The following DNAJA4 variants were observed in gnomAD, a reference collection of about 807,000 sequenced individuals.
DNAJA4 encodes the protein DnaJ heat shock protein family (Hsp40) member A4.
Under a neutral mutation model 39.7 loss-of-function variants are expected in DNAJA4, and 32 were observed. That is an observed-to-expected ratio of 0.81 (90% confidence interval 0.61 to 1.08). DNAJA4 has a LOEUF of 1.08. Among genes scored for constraint, DNAJA4 ranks in the 50% least tolerant of loss-of-function variants. DNAJA4 has a pLI of 0.00. For synonymous variants in DNAJA4, 184 were observed against 182.4 expected (o/e 1.01, Z -0.07); for missense variants, 439 against 505.1 (o/e 0.87, Z 1.25).
intron 1 of DNAJA4, among the ~76,000 whole-genome samples, chr15:78,267,845 T>C (rs2049185534): frequency 6.6e-6 from 1 of 152,248 alleles, no homozygotes; most frequent in African/African-American, 2.4e-5. Context: ...TCCCAAGTTG[T>C]TACGTAGTCT....
intron 5 of DNAJA4, chr15:78,277,931 T>C (rs2049518240): frequency 2.5e-6 from 1 of 395,676 alleles, no homozygotes. Flanking sequence ...TGTTTTGTTT[T>C]TGTTTTTACT....
At position 78,280,744 on chromosome 15, in the gene DNAJA4, A is replaced by T. The variant is rs2049632820; in HGVS notation, c.*284A>T. 2 of 344,376 alleles carry T rather than the reference A, an allele frequency of 5.8e-6. No individual in the cohort carries two copies. The highest frequency in any genetic ancestry group is 9.3e-5 in the South Asian group (2 of 21,438). The allele number at this position is 344,376 out of a possible 1,614,324, so 21.3% of individuals were successfully genotyped here. ...CTTTTGAGATGTCAGTGATTGCACC[A>T]ATACTTTGTGCTTCTAGTGGCTTTG... On this transcript the variant is annotated 3_prime_UTR_variant, in exon 7 of 7. Transcript: ENST00000394852.
chr15:78,264,567 G>GGTGGAGCCAGGC lies in DNAJA4; in HGVS notation c.-191_-180dup. 2 of 1,209,930 alleles carry GGTGGAGCCAGGC rather than the reference G, an allele frequency of 1.7e-6. No homozygotes were observed. Among genetic ancestry groups the GGTGGAGCCAGGC allele is most frequent in the Non-Finnish European group, 2.1e-6 (2 of 974,134 alleles). 74.9% of individuals were successfully genotyped at this position (1,209,930 alleles called of 1,614,324 possible). A position where few individuals can be genotyped will look rare whatever the true frequency, so the allele number is the denominator to read the frequency against. ...GCGGAGGAGCCGGTGGCTCTAGTGC[G>GGTGGAGCCAGGC]GTGGAGCCAGGCGTGGAAGTCGGTC... is the stretch of plus-strand genomic sequence containing the variant. On this transcript the variant is annotated 5_prime_UTR_variant, in exon 1 of 7. Coordinates refer to ENST00000394852, the MANE Select transcript of DNAJA4 (RefSeq NM_001130182.2).
chr15:78,269,959 T>A (rs956056292), intron 1 of DNAJA4: 3 of 152,128 alleles, frequency 2.0e-5, no homozygotes, highest in Admixed American at 6.5e-5. Flanking sequence ...TGCCAATAAC[T>A]GTGATATGGG....
upstream of DNAJA4, chr15:78,264,546 A>AGGAGCCGGTGGCTCTAGTGCGGT: frequency 5.7e-6 from 7 of 1,220,216 alleles, no homozygotes; most frequent in African/African-American, 1.6e-5. Context: ...CCCGCCGCGG[A>AGGAGCCGGTGGCTCTAGTGCGGT]GGAGCCGGTG....
intron 1 of DNAJA4, among the ~76,000 whole-genome samples, chr15:78,267,595 T>C (rs12442418): frequency 0.37 from 56,157 of 151,916 alleles, 10,658 homozygotes; most frequent in Middle Eastern, 0.43. Context: ...ATGAGTTTGG[T>C]CTTTTGGTCA....
At chr15:78,264,955 G>C in intron 1 of DNAJA4, 60 bp downstream of exon 1, 5 of 1,474,742 alleles carry the variant, frequency 3.4e-6, no homozygotes, top group Non-Finnish European at 4.5e-6. Flanking sequence ...ATTAAGCCAG[G>C]AGCATTGAAG....
intron 1 of DNAJA4, among the ~76,000 whole-genome samples, 179 bp downstream of exon 1, chr15:78,265,074 TGGA>T (rs1470199480): frequency 2.0e-5 from 3 of 152,080 alleles, no homozygotes; most frequent in Non-Finnish European, 2.9e-5. Context: ...GCGCGGTCGG[TGGA>T]GGGCGCTTCG....
intron 2 of DNAJA4, among the ~76,000 whole-genome samples, chr15:78,271,360 C>T (rs749721813): frequency 1.3e-5 from 2 of 152,134 alleles, no homozygotes; most frequent in Non-Finnish European, 2.9e-5. Context: ...GTGTTCCTCT[C>T]TCCTCTTGCC....
chr15:78,275,514 A>C lies in DNAJA4; in HGVS notation c.663A>C (p.Gln221His). The part of the protein sequence containing the change: ...VHVEKGMKDG[Q>H]KILFHGEGDQ... ...GTTTCATAGGTATGAAAGATGGGCA[A>C]AAGATACTATTTCATGGAGAAGGAG... The change falls in exon 5 of 7, where the codon CAA becomes CAC. Residue 221 changes from glutamine (Q) to histidine (H), a missense_variant. By Grantham distance (24) the Gln-to-His change is conservative. Transcript: ENST00000394852. 1.2e-6 allele frequency: 2 copies of C among 1,613,920 alleles called. No individual in the cohort carries two copies. The highest frequency in any genetic ancestry group is 1.7e-6 in the Non-Finnish European group (2 of 1,179,816).
chr15:78,275,182 G>C (rs2049415642), intron 4 of DNAJA4: 1 of 348,126 alleles, frequency 2.9e-6, no homozygotes, highest in Non-Finnish European at 5.3e-6. Flanking sequence ...CTGTGCCCCG[G>C]GAAGTGGGCG....
chr15:78,275,650 C>T lies in DNAJA4; in HGVS notation c.799C>T (p.Leu267Phe), dbSNP rs368143683. 1 of 1,614,028 alleles carries T rather than the reference C, an allele frequency of 6.2e-7. No homozygotes were observed. Among genetic ancestry groups the T allele is most frequent in the Non-Finnish European group, 8.5e-7 (1 of 1,180,026 alleles). ...CTTGATCATGAAAATGAAAATTCAG[C>T]TTTCTGAAGCTCTTTGTGGCTTCAA... ...HDLIMKMKIQ[L>F]SEALCGFKKT... Residue 267 changes from leucine to phenylalanine, a missense_variant, in exon 5 of 7, where the codon CTT becomes TTT. Leu to Phe is a conservative substitution (Grantham distance 22). Coordinates refer to ENST00000394852, the MANE Select transcript of DNAJA4 (RefSeq NM_001130182.2).
rs34555391 is a variant in DNAJA4 at position 78,280,375 on chromosome 15, A to G, written c.1109A>G (p.Asn370Ser). 2,536 of 1,614,218 alleles carry G rather than the reference A, an allele frequency of 1.6e-3. 11 individuals carry two copies. The highest frequency in any genetic ancestry group is 1.5e-3 in the Non-Finnish European group (1,713 of 1,180,036). Residue 370 changes from asparagine (N) to serine (S), a missense_variant, in exon 7 of 7, where the codon AAT (asparagine) becomes AGT (serine). Coordinates refer to ENST00000394852, the MANE Select transcript of DNAJA4 (RefSeq NM_001130182.2). ...DQVELKEFCP[N>S]EQNWRQHREA... ...GTGGAGCTGAAGGAGTTTTGTCCCA[A>G]TGAGCAGAACTGGCGTCAGCACAGG...
chr15:78,265,511 T>A, intron 1 of DNAJA4: 1 of 702,402 alleles, frequency 1.4e-6, no homozygotes, highest in Non-Finnish European at 2.6e-6. Context: ...TGACATCAGC[T>A]TGTACTCATA....
At chr15:78,270,409 T>G (rs1188313531) in intron 1 of DNAJA4, 88 bp from the exon 2 acceptor site, 29 of 1,398,386 alleles carry the variant, frequency 2.1e-5, no homozygotes, top group Non-Finnish European at 2.8e-5. Flanking sequence ...GCAGAATACC[T>G]CTATTACTTT....
rs1400414021 is a variant in DNAJA4, at chr15:78,281,449, C to T, written c.*989C>T. The T allele has an allele frequency of 6.7e-6, 1 of 149,036 alleles. No individual in the cohort carries two copies. Among genetic ancestry groups the T allele is most frequent in the Admixed American group, 6.6e-5 (1 of 15,230 alleles). 9.2% of individuals were successfully genotyped at this position (149,036 alleles called of 1,614,324 possible). A position where few individuals can be genotyped will look rare whatever the true frequency, so the allele number is the denominator to read the frequency against. ...CAGATTGAGCTCCCTTCCAAAGGAT[C>T]GTTCCTCTCATTGCACAGCCATATT... On this transcript the variant is annotated 3_prime_UTR_variant, in exon 7 of 7. Transcript: ENST00000394852.
intron 5 of DNAJA4, among the ~76,000 whole-genome samples, chr15:78,276,630 C>T (rs978699692): frequency 3.3e-5 from 5 of 152,264 alleles, no homozygotes; most frequent in East Asian, 1.9e-4. Context: ...GGTGTGGTGG[C>T]GGCTACGCCA....
chr15:78,272,102 C>T (rs2049315067), intron 2 of DNAJA4, among the ~76,000 whole-genome samples: 1 of 152,020 alleles, frequency 6.6e-6, no homozygotes, highest in African/African-American at 2.4e-5. Context: ...TTTGGGAGGC[C>T]GAGGTGGGTG....
In DNAJA4 at chr15:78,279,992, C is replaced by A; in HGVS notation, c.878-53C>A. On this transcript the variant is annotated intron_variant, in intron 5 of 6. Coordinates refer to ENST00000394852, the MANE Select transcript of DNAJA4 (RefSeq NM_001130182.2). This position sits in a 1 kb window ranked among gnomAD's most constrained non-coding sequence, Gnocchi z 4.5. ...CAGGCTCTCCCATGAGGGAGAACGA[C>A]CTCTGCAGGCCCCTCTGCCTTCCTC... is the stretch of plus-strand genomic sequence containing the variant. 1 of 1,567,190 alleles carries A rather than the reference C, an allele frequency of 6.4e-7. No individual in the cohort carries two copies. Among genetic ancestry groups the A allele is most frequent in the Non-Finnish European group, 8.8e-7 (1 of 1,141,772 alleles).
Sources: gnomAD v4.1 joint callset for allele counts (sites outside exome capture counted in the v4.1 genomes callset) on GRCh38, gnomAD v4.1.1 for gene constraint, Gnocchi (gnomAD v3.1) non-coding constraint, MANE v1.5 for transcripts, NCBI Gene and HGNC (gene_info 2026-07-23, HGNC 2026-07-21) for gene names.